LRRC27: variants seen among roughly 807,000 people sequenced by gnomAD.
The protein encoded by LRRC27 is leucine-rich repeat-containing protein 27.
LRRC27 carries 57 observed loss-of-function variants against 55.0 expected under a neutral mutation model. The ratio of observed to expected loss-of-function variants is 1.04; its 90% confidence interval spans 0.84 to 1.29. The LOEUF is 1.29. LRRC27 is among the 50% of genes most tolerant of loss of function. LRRC27 has a pLI of 0.00. For missense variants in LRRC27, 721 were observed against 651.5 expected, an observed-to-expected ratio of 1.11 and a Z score of -1.16; for synonymous variants, 278 against 251.9, an observed-to-expected ratio of 1.10 and a Z score of -0.98.
intron 10 of LRRC27, 133 bp downstream of exon 10, chr10:132,365,683 C>T (rs978802634): frequency 9.2e-7 from 1 of 1,092,322 alleles, no homozygotes; most frequent in Admixed American, 2.7e-5. Context: ...CTCCCTGCAG[C>T]CTCCACCTCC....
chr10:132,340,833 A>T (rs2138659407), intron 3 of LRRC27, among the ~76,000 whole-genome samples: 1 of 150,604 alleles, frequency 6.6e-6, no homozygotes, highest in Middle Eastern at 3.4e-3. Flanking sequence ...ATTAGCCAAG[A>T]TCACACCACT....
chr10:132,372,737 C>T lies in LRRC27; in HGVS notation c.1417-2329C>T, dbSNP rs555246207. Among the ~76,000 whole-genome samples the T allele has an allele frequency of 1.6e-3, 238 of 152,260 alleles. 3 individuals carry two copies. Among genetic ancestry groups the T allele is most frequent in the African/African-American group, 5.0e-3 (209 of 41,538 alleles). ...CAGTGGTGACAGCAGCCATGTTTGGCCTAAAGAGACCTGCAGAAGGTCAGG... is the reference window on the plus strand; with the variant it reads ...CAGTGGTGACAGCAGCCATGTTTGGTCTAAAGAGACCTGCAGAAGGTCAGG... On this transcript the variant is annotated intron_variant, in intron 10 of 10. Transcript: ENST00000368614. This position sits in a 1 kb window ranked among gnomAD's most constrained non-coding sequence, Gnocchi z 4.0.
intron 7 of LRRC27, chr10:132,353,048 C>T: frequency 6.4e-7 from 1 of 1,554,826 alleles, no homozygotes. Flanking sequence ...CTCCACTGAC[C>T]ACCTGGCTTC....
intron 7 of LRRC27, among the ~76,000 whole-genome samples, chr10:132,352,512 GCGCAGGTGCAGCGCTCCGTGTGGGGCAGA>G: frequency 2.8e-5 from 2 of 71,890 alleles, no homozygotes; most frequent in African/African-American, 6.3e-5. Flanking sequence ...TGTGGGGCAG[GCGCAGGTGCAGCGCTCCGTGTGGGGCAGA>G]TGCTGAGGCC....
At position 132,359,864 on chromosome 10, in the gene LRRC27, G is replaced by A. The variant is rs148868467; in HGVS notation, c.1171-1593G>A. On this transcript the variant is annotated intron_variant, in intron 8 of 10. Coordinates refer to ENST00000368614, the MANE Select transcript of LRRC27 (RefSeq NM_030626.3). ...TGACACTTGACGTACAAACCCTGGC[G>A]CAAAGCCCATTCCACGCCACCAAAG... Among the ~76,000 whole-genome samples the A allele has an allele frequency of 5.9e-4, 90 of 152,272 alleles. 1 individual carries two copies. The highest frequency in any genetic ancestry group is 3.9e-3 in the South Asian group (19 of 4,826).
chr10:132,341,124 T>C, intron 3 of LRRC27, among the ~76,000 whole-genome samples: 1 of 151,684 alleles, frequency 6.6e-6, no homozygotes, highest in Non-Finnish European at 1.5e-5. Context: ...GGGAATACCC[T>C]GTGTCTACAA....
chr10:132,366,897 T>C (rs1231235479), intron 10 of LRRC27: 1 of 1,286,172 alleles, frequency 7.8e-7, no homozygotes. Context: ...AGCCACTTCA[T>C]GGAGACCCCA....
At chr10:132,336,689 A>G (rs1590593339) in intron 2 of LRRC27, 2 of 699,794 alleles carry the variant, frequency 2.9e-6, no homozygotes. Context: ...GAGGTTCAGG[A>G]ACTTGCTCAA....
chr10:132,350,204 A>C (rs1158185946), intron 6 of LRRC27, among the ~76,000 whole-genome samples: 1 of 152,236 alleles, frequency 6.6e-6, no homozygotes, highest in African/African-American at 2.4e-5. Flanking sequence ...ATCATAGGTA[A>C]ATAATGGTCT....
At chr10:132,355,655 C>G (rs2068274001) in intron 7 of LRRC27, 135 bp from the exon 8 acceptor site, 1 of 637,468 alleles carries the variant, frequency 1.6e-6, no homozygotes, top group African/African-American at 1.8e-5. Context: ...AGACTCCCAC[C>G]CGGAGGGCAT....
rs375891112 is a variant in LRRC27, at chr10:132,348,448, T to C, written c.926+92T>C. 518 of 1,509,856 alleles carry C rather than the reference T, an allele frequency of 3.4e-4. No individual in the cohort carries two copies. Among genetic ancestry groups the C allele is most frequent in the Middle Eastern group, 8.9e-4 (5 of 5,628 alleles). 93.5% of individuals were successfully genotyped at this position (1,509,856 alleles called of 1,614,324 possible). A position where few individuals can be genotyped will look rare whatever the true frequency, so the allele number is the denominator to read the frequency against. On this transcript the variant is annotated intron_variant, in intron 6 of 10. Transcript: ENST00000368614. This position sits in a 1 kb window ranked among gnomAD's most constrained non-coding sequence, Gnocchi z 4.2. ...CTTTGAAAACATCAGGTCCAGCTTT[T>C]AAAGTGTCCTCCACGTTGCCACCGT... is the stretch of plus-strand genomic sequence containing the variant.
intron 3 of LRRC27, among the ~76,000 whole-genome samples, chr10:132,339,293 C>T (rs534928528): frequency 2.0e-5 from 3 of 152,260 alleles, no homozygotes; most frequent in African/African-American, 2.4e-5. Flanking sequence ...TTGCCTTGAA[C>T]TCACTGGTTT....
chr10:132,351,850 A>C, intron 7 of LRRC27, 97 bp downstream of exon 7: 1 of 1,368,076 alleles, frequency 7.3e-7, no homozygotes, highest in Non-Finnish European at 9.9e-7. Flanking sequence ...GGAAGTGTTT[A>C]GTTAGTTCTC....
upstream of LRRC27, chr10:132,331,799 C>G: frequency 6.3e-7 from 1 of 1,598,984 alleles, no homozygotes; most frequent in South Asian, 1.1e-5. Context: ...GCGGTCTCTA[C>G]TTGCCCGTCG....
At chr10:132,331,865 G>A (rs770544708), upstream of LRRC27, 16 of 1,352,986 alleles carry the variant, frequency 1.2e-5, no homozygotes, top group South Asian at 2.2e-4. Flanking sequence ...CGTTGGCCGC[G>A]TGCGTGCGCA....
Position 132,375,179 on chromosome 10 carries a change from G to A in LRRC27, c.1530G>A (p.Gln510=), listed in dbSNP as rs1488788268. The change falls in exon 11 of 11, where the codon CAG becomes CAA. Residue 510 remains glutamine (Q), a synonymous_variant. Transcript: ENST00000368614. The stretch of plus-strand genomic sequence containing the variant: ...TTTCGCTTGGCCTGCCGGCAGCACA[G>A]CCTCAAAATACATTTTTTAACACAA... ...GNLSLGLPAA[Q]PQNTFFNTKY... is the part of the protein sequence containing the mutation. 1.2e-6 allele frequency: 2 copies of A among 1,614,104 alleles called. No individual in the cohort carries two copies. The highest frequency in any genetic ancestry group is 1.7e-6 in the Non-Finnish European group (2 of 1,179,992).
At chr10:132,347,223 A>G (rs2067746241) in intron 5 of LRRC27, among the ~76,000 whole-genome samples, 2 of 152,280 alleles carry the variant, frequency 1.3e-5, no homozygotes, top group Non-Finnish European at 2.9e-5. Flanking sequence ...CCCTGTGTAC[A>G]CATGCAAAAA....
In LRRC27 at chr10:132,337,323, C is replaced by T. The variant is rs1330088168; in HGVS notation, c.211-242C>T. 18 of 1,314,492 alleles carry T rather than the reference C, an allele frequency of 1.4e-5. No individual in the cohort carries two copies. The East Asian group carries it at 2.2e-4, about 16-fold the overall frequency. 81.4% of individuals were successfully genotyped at this position (1,314,492 alleles called of 1,614,324 possible). On this transcript the variant is annotated intron_variant, in intron 2 of 10. Transcript: ENST00000368614. Reference sequence around the variant, plus strand: ...GTGTGCTGGGTCAGCAGCAGAGTGCCGGCTCTTCAGGAAGTCAGTTCCGGC... The same window carrying T: ...GTGTGCTGGGTCAGCAGCAGAGTGCTGGCTCTTCAGGAAGTCAGTTCCGGC...
intron 10 of LRRC27, among the ~76,000 whole-genome samples, chr10:132,373,600 C>T (rs775369060): frequency 8.5e-5 from 13 of 152,204 alleles, no homozygotes; most frequent in Non-Finnish European, 1.2e-4. Flanking sequence ...TTTTCAGATA[C>T]GCAAAGACTC....
Sources: gnomAD v4.1 joint callset for allele counts (sites outside exome capture counted in the v4.1 genomes callset) on GRCh38, gnomAD v4.1.1 for gene constraint, Gnocchi (gnomAD v3.1) non-coding constraint, MANE v1.5 for transcripts, NCBI Gene and HGNC (gene_info 2026-07-23, HGNC 2026-07-21) for gene names.